NUBPL: variants seen among roughly 807,000 people sequenced by gnomAD.
The protein encoded by NUBPL is NUBP iron-sulfur cluster assembly factor, mitochondrial.
In NUBPL, 31 loss-of-function variants were observed where a neutral mutation model predicts 45.7. The observed-to-expected ratio is 0.68, with a 90% CI of 0.51 to 0.92. NUBPL has a LOEUF of 0.92. Ranked by LOEUF, NUBPL falls within the 40% of genes least tolerant of loss-of-function variation. NUBPL has a pLI of 0.00. For synonymous variants in NUBPL, 144 were observed against 140.9 expected (o/e 1.02, Z -0.15); for missense variants, 401 against 398.7 (o/e 1.01, Z -0.05).
chr14:31,825,069 G>T (rs914786461), intron 7 of NUBPL, among the ~76,000 whole-genome samples: 1 of 152,158 alleles, frequency 6.6e-6, no homozygotes, highest in African/African-American at 2.4e-5. Context: ...TAGGGTAGTA[G>T]TGGAGATCCA....
chr14:31,629,065 A>G (rs2035278410), intron 4 of NUBPL, among the ~76,000 whole-genome samples: 1 of 152,190 alleles, frequency 6.6e-6, no homozygotes, highest in Non-Finnish European at 1.5e-5. Context: ...CCAAAATAAT[A>G]TCTTTGTAGA....
chr14:31,697,875 G>A lies in NUBPL; in HGVS notation c.513+24301G>A, dbSNP rs536103354. On this transcript the variant is annotated intron_variant, in intron 6 of 10. Transcript: ENST00000281081. ...TTAGAGTAGTGGCCCCTGTTGAACAGGTAAGGACTTACCCTATCTCTTTTG... is the reference window on the plus strand; with the variant it reads ...TTAGAGTAGTGGCCCCTGTTGAACAAGTAAGGACTTACCCTATCTCTTTTG... Among the ~76,000 whole-genome samples the A allele has an allele frequency of 7.9e-5, 12 of 152,262 alleles. No homozygotes were observed. The South Asian group carries it at 2.3e-3, about 29-fold the overall frequency.
chr14:31,586,213 A>C (rs1360940071), intron 3 of NUBPL, among the ~76,000 whole-genome samples: 1 of 152,166 alleles, frequency 6.6e-6, no homozygotes, highest in Non-Finnish European at 1.5e-5. Context: ...ACCCTCACAA[A>C]GCCTCCAGCC....
chr14:31,650,441 C>G (rs1014340357), intron 4 of NUBPL, among the ~76,000 whole-genome samples: 1 of 152,028 alleles, frequency 6.6e-6, no homozygotes, highest in African/African-American at 2.4e-5. Context: ...AGGCGCCCGC[C>G]ACCACACCCG....
At chr14:31,776,150 T>C (rs1042750877) in intron 6 of NUBPL, among the ~76,000 whole-genome samples, 1 of 152,238 alleles carries the variant, frequency 6.6e-6, no homozygotes, top group Non-Finnish European at 1.5e-5. Flanking sequence ...TTGTATATGC[T>C]TCAGGCCACA....
intron 4 of NUBPL, among the ~76,000 whole-genome samples, chr14:31,619,018 A>C (rs1313201977): frequency 1.3e-5 from 2 of 152,164 alleles, no homozygotes; most frequent in Non-Finnish European, 2.9e-5. Context: ...TTCTTGTTGC[A>C]TTGATGACTT....
intron 6 of NUBPL, among the ~76,000 whole-genome samples, chr14:31,777,797 A>T (rs115466963): frequency 3.3e-5 from 5 of 152,232 alleles, no homozygotes. Flanking sequence ...TAGCGATAGC[A>T]GAAACACCAC....
intron 6 of NUBPL, among the ~76,000 whole-genome samples, chr14:31,759,499 G>C (rs1233137642): frequency 2.0e-5 from 3 of 151,948 alleles, no homozygotes; most frequent in Admixed American, 6.6e-5. Flanking sequence ...TGTAGACATT[G>C]TGGAATAGCT....
intron 6 of NUBPL, among the ~76,000 whole-genome samples, chr14:31,722,121 C>A (rs1411493200): frequency 6.6e-6 from 1 of 152,204 alleles, no homozygotes; most frequent in East Asian, 1.9e-4. Flanking sequence ...CTCAGCCTCC[C>A]GAGTAGCTGG....
At chr14:31,654,979 TATC>T (rs1248472751) in intron 4 of NUBPL, among the ~76,000 whole-genome samples, 1 of 152,184 alleles carries the variant, frequency 6.6e-6, no homozygotes, top group Admixed American at 6.5e-5. Context: ...TTTCTTTGCT[TATC>T]ATAAAAAGCA....
At chr14:31,745,672 A>C (rs145840327) in intron 6 of NUBPL, among the ~76,000 whole-genome samples, 3 of 152,092 alleles carry the variant, frequency 2.0e-5, no homozygotes, top group African/African-American at 7.3e-5. Flanking sequence ...AGTAATTATA[A>C]GAGTTTTTTG....
At chr14:31,704,990 C>T (rs2037416079) in intron 6 of NUBPL, among the ~76,000 whole-genome samples, 1 of 152,184 alleles carries the variant, frequency 6.6e-6, no homozygotes, top group Admixed American at 6.5e-5. Context: ...TCGCTGACTT[C>T]AGGAGTGAAA....
At chr14:31,639,392 C>T (rs1203484611) in intron 4 of NUBPL, among the ~76,000 whole-genome samples, 1 of 152,210 alleles carries the variant, frequency 6.6e-6, no homozygotes, top group Non-Finnish European at 1.5e-5. Flanking sequence ...GGCTGCAGAA[C>T]AGCGGATTTC....
chr14:31,609,700 A>G (rs956525622), intron 4 of NUBPL, among the ~76,000 whole-genome samples: 2 of 152,222 alleles, frequency 1.3e-5, no homozygotes, highest in Non-Finnish European at 2.9e-5. Flanking sequence ...AACATTCAAA[A>G]AATGGAAATA....
At chr14:31,613,939 T>G (rs570752807) in intron 4 of NUBPL, among the ~76,000 whole-genome samples, 52 of 150,730 alleles carry the variant, frequency 3.4e-4, no homozygotes, top group African/African-American at 7.3e-4. Context: ...CAATAAGAGA[T>G]ATATATATAT....
intron 4 of NUBPL, among the ~76,000 whole-genome samples, chr14:31,662,999 T>C (rs1245914263): frequency 6.6e-6 from 1 of 152,252 alleles, no homozygotes. Context: ...CCAGTGATGA[T>C]GAGCATTTTT....
chr14:31,725,256 C>A (rs2037895579), intron 6 of NUBPL, among the ~76,000 whole-genome samples: 1 of 152,052 alleles, frequency 6.6e-6, no homozygotes, highest in Non-Finnish European at 1.5e-5. Flanking sequence ...TTATTGTCTC[C>A]ATTTTTTGGT....
intron 10 of NUBPL, among the ~76,000 whole-genome samples, chr14:31,855,836 C>A (rs1313082913): frequency 6.6e-6 from 1 of 151,988 alleles, no homozygotes; most frequent in Admixed American, 6.6e-5. Flanking sequence ...GGTTCAAAGC[C>A]CAGCTCATCT....
chr14:31,676,682 C>CAA (rs2036707382), intron 6 of NUBPL, among the ~76,000 whole-genome samples: 1 of 151,672 alleles, frequency 6.6e-6, no homozygotes, highest in Non-Finnish European at 1.5e-5. Flanking sequence ...ATATTGAGCC[C>CAA]TTTTCCACAT....
Sources: allele counts gnomAD v4.1 joint callset (sites outside exome capture counted in the v4.1 genomes callset), GRCh38; gene constraint gnomAD v4.1.1; transcripts MANE v1.5; gene names NCBI Gene and HGNC (gene_info 2026-07-23, HGNC 2026-07-21).